Variants in LGSN observed in about 807,000 individuals in gnomAD.
The protein encoded by LGSN is lengsin, lens protein with glutamine synthetase domain.
LGSN carries 21 observed loss-of-function variants against 19.5 expected under a neutral mutation model. The ratio of observed to expected loss-of-function variants is 1.07; its 90% CI spans 0.76 to 1.55. The LOEUF (loss-of-function observed/expected upper bound fraction) is 1.55. Ranked by LOEUF, LGSN falls within the 40% of genes most tolerant of loss-of-function variation. The probability of loss-of-function intolerance (pLI) is 0.00; values close to 1 mark genes in which losing one functional copy is unlikely to be tolerated. For synonymous variants in LGSN, 257 were observed against 215.6 expected (o/e 1.19, Z -1.68); for missense variants, 673 against 608.5 (o/e 1.11, Z -1.12).
At chr6:63,472,134 GC>G in the LGSN span, among the ~76,000 whole-genome samples, 20 of 152,038 alleles carry the variant, frequency 1.3e-4, no homozygotes, top group Admixed American at 3.3e-4. Context: ...TTTTGATAGT[GC>G]ACACACTTGC....
the LGSN span, among the ~76,000 whole-genome samples, chr6:63,424,893 A>C: frequency 5.7e-3 from 863 of 152,226 alleles, 23 homozygotes; most frequent in Admixed American, 0.05. Context: ...CCTGGGCAAA[A>C]GAGTTAGACC....
the LGSN span, among the ~76,000 whole-genome samples, chr6:63,444,880 C>T: frequency 6.6e-6 from 1 of 152,178 alleles, no homozygotes; most frequent in South Asian, 2.1e-4. Context: ...AGTCCAATTC[C>T]CTCTGTAGCC....
chr6:63,486,361 A>T, the LGSN span, among the ~76,000 whole-genome samples: 2 of 152,200 alleles, frequency 1.3e-5, no homozygotes, highest in Non-Finnish European at 2.9e-5. Context: ...GCAGCCAAAG[A>T]GATCCTGAAC....
At chr6:63,292,431 A>G (rs1767810030) in intron 2 of LGSN, among the ~76,000 whole-genome samples, 1 of 152,222 alleles carries the variant, frequency 6.6e-6, no homozygotes, top group Non-Finnish European at 1.5e-5. Context: ...ATCTCCAAGC[A>G]TTTAGAATGT....
At chr6:63,409,890 G>A in the LGSN span, among the ~76,000 whole-genome samples, 4 of 152,208 alleles carry the variant, frequency 2.6e-5, no homozygotes, top group South Asian at 8.3e-4. Context: ...AGAAAAATTA[G>A]CCGGGCATGG....
At chr6:63,441,567 C>T in the LGSN span, 66 of 437,162 alleles carry the variant, frequency 1.5e-4, no homozygotes, top group African/African-American at 1.1e-3. Flanking sequence ...GGAAGTAGAA[C>T]GAGAGGCAGA....
the LGSN span, among the ~76,000 whole-genome samples, chr6:63,362,486 C>G: frequency 1.3e-3 from 200 of 152,334 alleles, no homozygotes; most frequent in African/African-American, 4.7e-3. Context: ...AAAATTGGCA[C>G]ACTCCCACCC....
At chr6:63,453,581 C>T in the LGSN span, among the ~76,000 whole-genome samples, 1 of 152,004 alleles carries the variant, frequency 6.6e-6, no homozygotes, top group African/African-American at 2.4e-5. Flanking sequence ...TTTAATAGAA[C>T]CACCCTGCTT....
chr6:63,344,386 C>A, the LGSN span, among the ~76,000 whole-genome samples: 1 of 152,056 alleles, frequency 6.6e-6, no homozygotes, highest in Non-Finnish European at 1.5e-5. Flanking sequence ...TGAGGATATA[C>A]CAAGATATTC....
At chr6:63,477,655 C>T in the LGSN span, among the ~76,000 whole-genome samples, 220 of 51,994 alleles carry the variant, frequency 4.2e-3, no homozygotes, top group Middle Eastern at 0.026. Flanking sequence ...TTTTTTTTTT[C>T]TTTTTCTTTT....
chr6:63,341,082 G>C, the LGSN span, among the ~76,000 whole-genome samples: 1 of 152,310 alleles, frequency 6.6e-6, no homozygotes, highest in Non-Finnish European at 1.5e-5. Context: ...GTTCCTCAGT[G>C]GCTTAGGCTA....
At chr6:63,572,284 G>A in the LGSN span, 2 of 182,864 alleles carry the variant, frequency 1.1e-5, no homozygotes, top group South Asian at 2.0e-4. Context: ...CCCCCGCCCC[G>A]GGGATGCTCC....
intron 1 of LGSN, among the ~76,000 whole-genome samples, chr6:63,317,610 C>G (rs1237317047): frequency 6.6e-6 from 1 of 152,034 alleles, no homozygotes; most frequent in Non-Finnish European, 1.5e-5. Flanking sequence ...ATGGAAAATA[C>G]AAAACAAGAA....
At chr6:63,292,560 G>T (rs1767817616) in intron 2 of LGSN, among the ~76,000 whole-genome samples, 1 of 152,142 alleles carries the variant, frequency 6.6e-6, no homozygotes. Flanking sequence ...CCCCAAAGCG[G>T]CTGGAGAGTG....
chr6:63,328,760 G>T, the LGSN span, among the ~76,000 whole-genome samples: 4 of 152,178 alleles, frequency 2.6e-5, no homozygotes, highest in Non-Finnish European at 5.9e-5. Context: ...CTGCTTTAAG[G>T]TTTTGAAGGC....
chr6:63,342,504 C>T, the LGSN span, among the ~76,000 whole-genome samples: 1 of 152,086 alleles, frequency 6.6e-6, no homozygotes, highest in Admixed American at 6.5e-5. Flanking sequence ...GCAAGTAGTA[C>T]ACATTAAATA....
the LGSN span, among the ~76,000 whole-genome samples, chr6:63,361,343 G>A: frequency 6.6e-6 from 1 of 152,154 alleles, no homozygotes; most frequent in Non-Finnish European, 1.5e-5. Flanking sequence ...ACCTACTCAA[G>A]CCTCGGCAAT....
chr6:63,309,284 T>A (rs1768531727), intron 1 of LGSN, among the ~76,000 whole-genome samples: 1 of 152,024 alleles, frequency 6.6e-6, no homozygotes, highest in African/African-American at 2.4e-5. Context: ...ATACAAAAAT[T>A]AGCCGGGTGT....
chr6:63,501,142 C>T, the LGSN span, among the ~76,000 whole-genome samples: 4 of 151,900 alleles, frequency 2.6e-5, no homozygotes, highest in Non-Finnish European at 5.9e-5. Context: ...GAGGCTGAGG[C>T]GGGTGGATCA....
Sources: gnomAD v4.1 joint callset for allele counts (sites outside exome capture counted in the v4.1 genomes callset) on GRCh38, gnomAD v4.1.1 for gene constraint, MANE v1.5 for transcripts, NCBI Gene and HGNC (gene_info 2026-07-23, HGNC 2026-07-21) for gene names.